The following PDE4D variants were observed in gnomAD, a reference collection of about 807,000 sequenced individuals.
PDE4D encodes phosphodiesterase 4D.
A neutral mutation model predicts 87.4 loss-of-function variants in PDE4D; 24 were observed. The ratio of observed to expected loss-of-function variants is 0.27; its 90% CI spans 0.20 to 0.39. The LOEUF is 0.39. PDE4D is among the 10% of genes least tolerant of loss of function. The pLI is 1.00. For synonymous variants in PDE4D, 384 were observed against 383.2 expected (o/e 1.00, Z -0.02); for missense variants, 714 against 1,041.0 (o/e 0.69, Z 4.32).
At chr5:60,008,600 T>C (rs1216744681) in intron 2 of PDE4D, among the ~76,000 whole-genome samples, 1 of 151,944 alleles carries the variant, frequency 6.6e-6, no homozygotes, top group Non-Finnish European at 1.5e-5. Context: ...GGGTCATAGC[T>C]CTAGCTATGG....
At chr5:60,150,610 T>C (rs1488387329) in intron 2 of PDE4D, among the ~76,000 whole-genome samples, 1 of 152,184 alleles carries the variant, frequency 6.6e-6, no homozygotes, top group Non-Finnish European at 1.5e-5. Context: ...GCCATTTCTG[T>C]TCTGAAGGCT....
chr5:59,786,768 G>A (rs1369319201), intron 1 of PDE4D, among the ~76,000 whole-genome samples: 1 of 152,148 alleles, frequency 6.6e-6, no homozygotes, highest in Non-Finnish European at 1.5e-5. Flanking sequence ...TGAAATACGG[G>A]ATTGGTGAGA....
rs1580009989 is a variant in PDE4D at position 58,974,436 on chromosome 5, T to TGTTAAAAACGCTGTTCGTGAA, written c.*207_*227dup. 1 of 362,164 alleles carries TGTTAAAAACGCTGTTCGTGAA rather than the reference T, an allele frequency of 2.8e-6. No homozygotes were observed. The highest frequency in any genetic ancestry group is 4.1e-5 in the East Asian group (1 of 24,516). The allele number at this position is 362,164 out of a possible 1,614,324, so 22.4% of individuals were successfully genotyped here. ...TGTCAGCTCTACCAAGCTGAAATCT[T>TGTTAAAAACGCTGTTCGTGAA]GTTAAAAACGCTGTTCGTGAAGATG... On this transcript the variant is annotated 3_prime_UTR_variant, in exon 15 of 15. Coordinates refer to ENST00000340635, the MANE Select transcript of PDE4D (RefSeq NM_001104631.2).
intron 1 of PDE4D, among the ~76,000 whole-genome samples, chr5:59,666,121 C>T (rs755506077): frequency 1.3e-5 from 2 of 152,182 alleles, no homozygotes; most frequent in South Asian, 2.1e-4. Flanking sequence ...CCACCATGCC[C>T]GGCTAATTAT....
chr5:59,632,929 A>G (rs1193514027), intron 1 of PDE4D, among the ~76,000 whole-genome samples: 18 of 152,334 alleles, frequency 1.2e-4, no homozygotes, highest in Admixed American at 1.2e-3. Flanking sequence ...GGGTAATAAC[A>G]AACTCCTCCA....
In PDE4D at chr5:60,407,308, C is replaced by A. The variant is rs551874097; in HGVS notation, c.-90+80634G>T. Among the ~76,000 whole-genome samples, 22 of 152,106 alleles carry A rather than the reference C, an allele frequency of 1.4e-4. No homozygotes were observed. The East Asian group carries it at 4.1e-3, about 28-fold the overall frequency. On this transcript the variant is annotated intron_variant, in intron 1 of 16. Coordinates refer to the PDE4D transcript ENST00000502484. ...CAAAACACTCTAGCTGCAAAAAAAG[C>A]AGGGCACATGTGCAGTAAATGTAAC...
rs186350989 is a variant in PDE4D at position 59,156,846 on chromosome 5, C to T, written c.808+23749G>A. Among the ~76,000 whole-genome samples the T allele has an allele frequency of 1.5e-4, 23 of 151,978 alleles. No homozygotes were observed. In the South Asian group the frequency reaches 1.9e-3, roughly 12 times the overall value. On this transcript the variant is annotated intron_variant, in intron 5 of 14. Coordinates refer to ENST00000340635, the MANE Select transcript of PDE4D (RefSeq NM_001104631.2). ...GAATATATACACAGCAACTAGAGAA[C>T]GAATAGAGATTTCTTGGAACAGAAT... is the stretch of plus-strand genomic sequence containing the variant.
chr5:59,412,742 AT>A (rs1159763125), intron 1 of PDE4D, among the ~76,000 whole-genome samples: 1 of 152,232 alleles, frequency 6.6e-6, no homozygotes, highest in African/African-American at 2.4e-5. Flanking sequence ...TGATTGTTTC[AT>A]TTACTGGTAA....
chr5:60,175,979 T>C (rs1216215012), intron 2 of PDE4D, among the ~76,000 whole-genome samples: 2 of 152,124 alleles, frequency 1.3e-5, no homozygotes, highest in Non-Finnish European at 2.9e-5. Flanking sequence ...CCTAAGACAA[T>C]GATTTTTGCT....
At chr5:60,350,744 CTGTT>C (rs1315911192) in intron 1 of PDE4D, among the ~76,000 whole-genome samples, 1 of 152,154 alleles carries the variant, frequency 6.6e-6, no homozygotes, top group African/African-American at 2.4e-5. Context: ...TTTTCTAAAA[CTGTT>C]TGGGCCAAAC....
At chr5:59,171,184 T>C (rs1278863161) in intron 5 of PDE4D, among the ~76,000 whole-genome samples, 1 of 151,918 alleles carries the variant, frequency 6.6e-6, no homozygotes, top group Non-Finnish European at 1.5e-5. Context: ...ACCTGGCTCA[T>C]ACTTTCACTT....
chr5:59,256,605 A>G (rs1482596928), intron 1 of PDE4D, among the ~76,000 whole-genome samples: 1 of 152,110 alleles, frequency 6.6e-6, no homozygotes, highest in Non-Finnish European at 1.5e-5. Flanking sequence ...ATTTAATTGC[A>G]TCACGTTTTG....
intron 1 of PDE4D, among the ~76,000 whole-genome samples, chr5:59,824,056 T>G (rs1770024223): frequency 6.6e-6 from 1 of 151,908 alleles, no homozygotes; most frequent in African/African-American, 2.4e-5. Context: ...AAGTAGTTCA[T>G]TTTTTGACTC....
At chr5:59,219,657 A>G (rs1464185922) in intron 1 of PDE4D, among the ~76,000 whole-genome samples, 1 of 152,184 alleles carries the variant, frequency 6.6e-6, no homozygotes, top group African/African-American at 2.4e-5. Flanking sequence ...AGTCTAGTTA[A>G]GGTAATAGAA....
rs367656706 is a variant in PDE4D at position 59,143,503 on chromosome 5, G to A, written c.808+37092C>T. Among the ~76,000 whole-genome samples the A allele has an allele frequency of 5.9e-5, 9 of 152,278 alleles. No individual in the cohort carries two copies. The East Asian group carries it at 9.7e-4, about 16-fold the overall frequency. On this transcript the variant is annotated intron_variant, in intron 5 of 14. Transcript: ENST00000340635. ...CCGCTTACTGTGCATGTCCTTGAGC[G>A]AGTTAACTAAAATATACCACACATC... is the stretch of plus-strand genomic sequence containing the variant.
chr5:60,486,106 G>T (rs575338974), intron 1 of PDE4D, among the ~76,000 whole-genome samples: 76 of 152,362 alleles, frequency 5.0e-4, no homozygotes, highest in Non-Finnish European at 2.9e-5. Context: ...TAAGGAAAAA[G>T]AGGAGCTGAG....
chr5:59,134,461 TGAGA>T (rs929457795), intron 5 of PDE4D, among the ~76,000 whole-genome samples: 2 of 152,028 alleles, frequency 1.3e-5, no homozygotes, highest in African/African-American at 4.8e-5. Context: ...TGCTATTTTA[TGAGA>T]GAGAGACAGT....
chr5:60,319,034 C>T (rs532733443), intron 1 of PDE4D, among the ~76,000 whole-genome samples: 5 of 152,242 alleles, frequency 3.3e-5, no homozygotes, highest in African/African-American at 1.2e-4. Context: ...GTTGGCCTGC[C>T]TTGCTAAATT....
chr5:59,491,302 AT>A (rs1806140372), intron 1 of PDE4D, among the ~76,000 whole-genome samples: 3 of 152,238 alleles, frequency 2.0e-5, no homozygotes, highest in African/African-American at 7.2e-5. Flanking sequence ...GATACCATAT[AT>A]AAAGCAGATA....
Sources: allele counts gnomAD v4.1 joint callset (sites outside exome capture counted in the v4.1 genomes callset), GRCh38; gene constraint gnomAD v4.1.1; transcripts MANE v1.5; gene names NCBI Gene and HGNC (gene_info 2026-07-23, HGNC 2026-07-21).